The following TRPC4 variants were observed in gnomAD, a reference collection of about 807,000 sequenced individuals.
The protein encoded by TRPC4 is short transient receptor potential channel 4.
In TRPC4, 49 loss-of-function variants were observed where a neutral mutation model predicts 99.4. That is an observed-to-expected ratio of 0.49 (90% CI 0.39 to 0.63). The LOEUF (loss-of-function observed/expected upper bound fraction) is 0.63. TRPC4 is among the 20% of genes least tolerant of loss of function. The pLI is 0.00. For synonymous variants in TRPC4, 454 were observed against 425.9 expected (o/e 1.07, Z -0.81); for missense variants, 898 against 1,152.9 (o/e 0.78, Z 3.20).
At chr13:37,735,331 C>A (rs893715507) in intron 3 of TRPC4, among the ~76,000 whole-genome samples, 1 of 152,082 alleles carries the variant, frequency 6.6e-6, no homozygotes, top group African/African-American at 2.4e-5. Context: ...TTCCAAAAGA[C>A]AATCTATTGG....
At chr13:37,868,794 G>C (rs564626774) in intron 1 of TRPC4, among the ~76,000 whole-genome samples, 5 of 152,248 alleles carry the variant, frequency 3.3e-5, no homozygotes, top group Non-Finnish European at 7.4e-5. Context: ...CACCATAGTG[G>C]ATACACCATA....
At chr13:37,736,312 G>A (rs1330100586) in intron 3 of TRPC4, among the ~76,000 whole-genome samples, 1 of 152,124 alleles carries the variant, frequency 6.6e-6, no homozygotes, top group African/African-American at 2.4e-5. Context: ...AGAAAAGAGA[G>A]GCAGATGCTC....
chr13:37,842,371 G>GAAA (rs1958766303), intron 1 of TRPC4, among the ~76,000 whole-genome samples: 1 of 54,412 alleles, frequency 1.8e-5, no homozygotes, highest in Non-Finnish European at 3.8e-5. Context: ...AAAAAAAAAA[G>GAAA]GAAAAGGAAA....
At chr13:37,826,904 G>A (rs1958239546) in intron 1 of TRPC4, among the ~76,000 whole-genome samples, 1 of 152,058 alleles carries the variant, frequency 6.6e-6, no homozygotes. Flanking sequence ...CCACTTTCAG[G>A]TACACCAATC....
intron 2 of TRPC4, among the ~76,000 whole-genome samples, chr13:37,760,602 C>T (rs1159258426): frequency 6.6e-6 from 1 of 151,944 alleles, no homozygotes; most frequent in Non-Finnish European, 1.5e-5. Context: ...TCTAACTTTA[C>T]CCAAGCTTTA....
intron 2 of TRPC4, among the ~76,000 whole-genome samples, chr13:37,773,071 C>T (rs960954416): frequency 1.3e-5 from 2 of 151,662 alleles, no homozygotes; most frequent in African/African-American, 4.8e-5. Context: ...AAGCTTCAGT[C>T]AGGGGCAAAG....
chr13:37,838,443 C>A (rs115858613), intron 1 of TRPC4, among the ~76,000 whole-genome samples: 1 of 152,130 alleles, frequency 6.6e-6, no homozygotes, highest in Non-Finnish European at 1.5e-5. Flanking sequence ...CACTGAAGTA[C>A]AAGTCACAAA....
At chr13:37,735,208 A>G (rs1050738899) in intron 3 of TRPC4, among the ~76,000 whole-genome samples, 1 of 152,124 alleles carries the variant, frequency 6.6e-6, no homozygotes, top group Non-Finnish European at 1.5e-5. Context: ...AGGGTGAGGA[A>G]TAAGTAAAAA....
chr13:37,766,306 G>A (rs970425818), intron 2 of TRPC4, among the ~76,000 whole-genome samples: 3 of 151,400 alleles, frequency 2.0e-5, no homozygotes, highest in Non-Finnish European at 4.4e-5. Flanking sequence ...TGTAGAACAC[G>A]CAGAATATGG....
Position 37,664,362 on chromosome 13 carries a change from T to C in TRPC4, c.1375-633A>G, listed in dbSNP as rs371819508. On this transcript the variant is annotated intron_variant, in intron 5 of 10. Transcript: ENST00000379705. Reference sequence around the variant, plus strand: ...GCCGAAGCTGGCGAATTACCTGAGGTTGGGAGTTCGCGACCAGCCTGACCA... The same window carrying C: ...GCCGAAGCTGGCGAATTACCTGAGGCTGGGAGTTCGCGACCAGCCTGACCA... Among the ~76,000 whole-genome samples the C allele has an allele frequency of 1.1e-4, 17 of 152,110 alleles. No individual in the cohort carries two copies. The East Asian group carries it at 3.1e-3, about 28-fold the overall frequency.
At chr13:37,726,407 T>C (rs571548311) in intron 3 of TRPC4, among the ~76,000 whole-genome samples, 1 of 152,062 alleles carries the variant, frequency 6.6e-6, no homozygotes, top group Non-Finnish European at 1.5e-5. Flanking sequence ...GAAGTTAAGA[T>C]GGTATGAATT....
rs551191897 is a variant in TRPC4, at chr13:37,690,143, G to T, written c.1234+1856C>A. The stretch of plus-strand genomic sequence containing the variant: ...ACTCTTCTGTAAGAATTGTTCCAAA[G>T]ACATTTTCTAAGAAGAAAATTCCTT... On this transcript the variant is annotated intron_variant, in intron 4 of 10. Coordinates refer to ENST00000379705, the MANE Select transcript of TRPC4 (RefSeq NM_016179.4). 2.0e-5 allele frequency among the ~76,000 whole-genome samples: 3 copies of T among 152,244 alleles called. No homozygotes were observed. In the South Asian group the frequency reaches 6.2e-4, roughly 32 times the overall value.
At chr13:37,721,301 T>A (rs116391200) in intron 3 of TRPC4, among the ~76,000 whole-genome samples, 1,913 of 152,276 alleles carry the variant, frequency 0.013, 36 homozygotes, top group African/African-American at 0.044. Flanking sequence ...ATTATATTTT[T>A]AATTTCAAAA....
intron 1 of TRPC4, among the ~76,000 whole-genome samples, chr13:37,814,302 C>T (rs1566190591): frequency 6.7e-6 from 1 of 149,666 alleles, no homozygotes. Flanking sequence ...TTCTTGTCAA[C>T]AATATACTAG....
At position 37,692,197 on chromosome 13, in the gene TRPC4, A is replaced by T; in HGVS notation, c.1036T>A (p.Cys346Ser). 6.2e-7 allele frequency: 1 copy of T among 1,614,166 alleles called. No homozygotes were observed. The highest frequency in any genetic ancestry group is 8.5e-7 in the Non-Finnish European group (1 of 1,180,024). ...GGGCTTTTGGGAGCTATCAGGTAGC[A>T]CACAGAGAAGACAGGAAAAAGAAGT... ...IGLLFPVFSV[C>S]YLIAPKSPLG... Residue 346 changes from cysteine to serine, a missense_variant, in exon 4 of 11, where the codon TGC (cysteine) becomes AGC (serine). Cys to Ser is a moderately radical substitution (Grantham distance 112). This residue lies in a region of TRPC4 where 274 missense variants were observed against 454.9 expected (regional missense o/e 0.60). Transcript: ENST00000379705.
At chr13:37,841,697 C>A (rs1398777254) in intron 1 of TRPC4, among the ~76,000 whole-genome samples, 1 of 151,946 alleles carries the variant, frequency 6.6e-6, no homozygotes, top group Non-Finnish European at 1.5e-5. Context: ...AATGAGATAT[C>A]ACTACTATAA....
chr13:37,737,035 C>T (rs536134229), intron 3 of TRPC4, among the ~76,000 whole-genome samples: 261 of 151,738 alleles, frequency 1.7e-3, no homozygotes, highest in African/African-American at 6.0e-3. Context: ...GCCCAGCCAA[C>T]TTCTTTTTGA....
chr13:37,674,249 C>A lies in TRPC4; in HGVS notation c.1353G>T (p.Leu451Phe). The change falls in exon 5 of 11, where the codon TTG (leucine) becomes TTT (phenylalanine). Residue 451 changes from leucine to phenylalanine, a missense_variant. Physicochemically the swap from Leu to Phe is conservative, Grantham distance 22. Coordinates refer to ENST00000379705, the MANE Select transcript of TRPC4 (RefSeq NM_016179.4). Reference protein sequence around the residue: ...MNSLYLATISLKIVAFVKYSA... With the variant: ...MNSLYLATISFKIVAFVKYSA... ...TTACCTTTACAAATGCAACAATTTT[C>A]AAGGAGATTGTTGCTAAATATAAGG... is the stretch of plus-strand genomic sequence containing the variant. The A allele has an allele frequency of 6.3e-7, 1 of 1,588,126 alleles. No homozygotes were observed. Among genetic ancestry groups the A allele is most frequent in the South Asian group, 1.2e-5 (1 of 82,286 alleles).
intron 1 of TRPC4, 118 bp from the exon 2 acceptor site, chr13:37,783,478 A>G: frequency 1.4e-6 from 1 of 717,360 alleles, no homozygotes; most frequent in Non-Finnish European, 2.0e-6. Context: ...ATTAGTAACT[A>G]TTAAGAGTTA....
Sources: gnomAD v4.1 joint callset for allele counts (sites outside exome capture counted in the v4.1 genomes callset) on GRCh38, gnomAD v4.1.1 for gene constraint, gnomAD v4.1.1 regional missense constraint, MANE v1.5 for transcripts, NCBI Gene and HGNC (gene_info 2026-07-23, HGNC 2026-07-21) for gene names.